Variants in ACTN1 observed in about 807,000 individuals in gnomAD.
ACTN1 encodes the protein actinin alpha 1, also known as alpha-actinin-1.
ACTN1 carries 30 observed loss-of-function variants against 119.6 expected under a neutral mutation model. That is an observed-to-expected ratio of 0.25 (90% CI 0.19 to 0.34). The LOEUF is 0.34. Ranked by LOEUF, ACTN1 falls within the 10% of genes least tolerant of loss-of-function variation. The pLI is 1.00. For missense variants in ACTN1, 764 were observed against 1,223.4 expected (o/e 0.62, Z 5.60); for synonymous variants, 429 against 472.6 (o/e 0.91, Z 1.20).
intron 1 of ACTN1, among the ~76,000 whole-genome samples, chr14:68,965,004 C>T (rs960774948): frequency 6.6e-6 from 1 of 152,218 alleles, no homozygotes; most frequent in African/African-American, 2.4e-5. Flanking sequence ...CTAGCCAGAA[C>T]CCCAGCAGCT....
chr14:68,942,989 A>T (rs576442064), intron 1 of ACTN1, among the ~76,000 whole-genome samples: 19 of 152,240 alleles, frequency 1.2e-4, no homozygotes, highest in Non-Finnish European at 2.5e-4. Context: ...TCTTCACCTG[A>T]GGTTCCGCAA....
intron 1 of ACTN1, among the ~76,000 whole-genome samples, chr14:68,962,316 G>C (rs113646166): frequency 1.3e-5 from 2 of 152,134 alleles, no homozygotes; most frequent in Non-Finnish European, 2.9e-5. Flanking sequence ...TCACCAGCTC[G>C]CAGGTGGAGT....
At chr14:68,952,589 G>A (rs954253411) in intron 1 of ACTN1, among the ~76,000 whole-genome samples, 1 of 152,186 alleles carries the variant, frequency 6.6e-6, no homozygotes, top group South Asian at 2.1e-4. Flanking sequence ...GGGGAAAGCG[G>A]CATCCCGCCC....
intron 3 of ACTN1, among the ~76,000 whole-genome samples, chr14:68,916,886 C>A (rs559418752): frequency 6.6e-6 from 1 of 152,140 alleles, no homozygotes; most frequent in Non-Finnish European, 1.5e-5. Context: ...AGTATTCAGA[C>A]GGCAGAATGA....
intron 6 of ACTN1, 24 bp from the exon 7 acceptor site, chr14:68,904,760 G>A (rs771787379): frequency 1.9e-5 from 31 of 1,601,828 alleles, no homozygotes; most frequent in Non-Finnish European, 2.4e-5. Flanking sequence ...AGGAGGAAGG[G>A]ATGATAAAGT....
chr14:68,909,216 T>G lies in ACTN1; in HGVS notation c.594+102A>C. The G allele has an allele frequency of 4.2e-6, 5 of 1,201,816 alleles. No homozygotes were observed. The highest frequency in any genetic ancestry group is 6.1e-6 in the Non-Finnish European group (5 of 820,528). 74.4% of individuals were successfully genotyped at this position (1,201,816 alleles called of 1,614,324 possible). A position where few individuals can be genotyped will look rare whatever the true frequency, so the allele number is the denominator to read the frequency against. On this transcript the variant is annotated intron_variant, in intron 6 of 21. Transcript: ENST00000394419. This position sits in a 1 kb window ranked among gnomAD's most constrained non-coding sequence, Gnocchi z 4.1. ...GGCTATTCTAAGAGGCCAACACTGC[T>G]CAGGCTGGACCATGGACTGTCACAA...
chr14:68,936,486 TGTG>T, intron 1 of ACTN1: 1 of 328,594 alleles, frequency 3.0e-6, no homozygotes, highest in Non-Finnish European at 5.7e-6. Flanking sequence ...TGTACCAAAA[TGTG>T]CTGTCATTAC....
chr14:68,898,432 T>C (rs1243254233), intron 8 of ACTN1, among the ~76,000 whole-genome samples: 1 of 152,222 alleles, frequency 6.6e-6, no homozygotes, highest in Admixed American at 6.5e-5. Flanking sequence ...GCACCACACG[T>C]GCACACACAC....
At chr14:68,966,981 C>T (rs1267683979) in intron 1 of ACTN1, among the ~76,000 whole-genome samples, 3 of 152,200 alleles carry the variant, frequency 2.0e-5, no homozygotes, top group Non-Finnish European at 2.9e-5. Flanking sequence ...AAAGAAAAAA[C>T]GCAGCTAGGC....
Position 68,880,179 on chromosome 14 carries a change from T to C in ACTN1, c.2134-71A>G, listed in dbSNP as rs1334803248. Reference sequence around the variant, plus strand: ...GGCTCCTGGCGGCCCCTGCCCATCCTACTCCCCAACCATCAAAATGGCCAA... The same window carrying C: ...GGCTCCTGGCGGCCCCTGCCCATCCCACTCCCCAACCATCAAAATGGCCAA... On this transcript the variant is annotated intron_variant, in intron 17 of 21. Transcript: ENST00000394419. The surrounding 1 kb of genome is among the most constrained non-coding windows in gnomAD (Gnocchi z 4.6). The C allele has an allele frequency of 7.7e-6, 12 of 1,562,332 alleles. No individual in the cohort carries two copies. The highest frequency in any genetic ancestry group is 1.0e-5 in the Non-Finnish European group (12 of 1,151,946).
At chr14:68,936,851 G>A in intron 1 of ACTN1, 1 of 590,444 alleles carries the variant, frequency 1.7e-6, no homozygotes, top group Non-Finnish European at 3.3e-6. Flanking sequence ...AAGAGTGGTA[G>A]GACAACTTCT....
At position 68,979,295 on chromosome 14, in the gene ACTN1, C is replaced by T. The variant is rs1396382241; in HGVS notation, c.-239G>A. The T allele has an allele frequency of 9.4e-6, 3 of 317,680 alleles. No individual in the cohort carries two copies. The highest frequency in any genetic ancestry group is 5.7e-5 in the South Asian group (1 of 17,634). The allele number at this position is 317,680 out of a possible 1,614,324, so 19.7% of individuals were successfully genotyped here. A position where few individuals can be genotyped will look rare whatever the true frequency, so the allele number is the denominator to read the frequency against. On this transcript the variant is annotated 5_prime_UTR_variant, in exon 1 of 22. The change creates a new upstream start codon in the 5' untranslated region. Coordinates refer to ENST00000394419, the MANE Select transcript of ACTN1 (RefSeq NM_001130004.2). Reference sequence around the variant, plus strand: ...GGCGGGCGCTTGGACCTAATCTCCACGCACACTGAACTAGGCGGACACACT... The same window carrying T: ...GGCGGGCGCTTGGACCTAATCTCCATGCACACTGAACTAGGCGGACACACT...
At chr14:68,949,944 A>G (rs8011150) in intron 1 of ACTN1, among the ~76,000 whole-genome samples, 50,293 of 152,010 alleles carry the variant, frequency 0.33, 10,535 homozygotes, top group African/African-American at 0.6. Flanking sequence ...AATTATCAGG[A>G]CTGGGGGTCA....
chr14:68,929,595 C>A (rs552173484), intron 1 of ACTN1, among the ~76,000 whole-genome samples: 1 of 152,166 alleles, frequency 6.6e-6, no homozygotes, highest in African/African-American at 2.4e-5. Context: ...TCAGTGGATA[C>A]ACTCCGTTCC....
chr14:68,925,933 T>C lies in ACTN1; in HGVS notation c.106-261A>G, dbSNP rs933377502. Among the ~76,000 whole-genome samples the C allele has an allele frequency of 6.6e-6, 1 of 152,164 alleles. No homozygotes were observed. The highest frequency in any genetic ancestry group is 1.5e-5 in the Non-Finnish European group (1 of 68,034). Reference sequence around the variant, plus strand: ...CATGAAGCAGCAAATTCCCTTAACATCCGCCTCCCAGCCCTCTCTCAAAGA... The same window carrying C: ...CATGAAGCAGCAAATTCCCTTAACACCCGCCTCCCAGCCCTCTCTCAAAGA... On this transcript the variant is annotated intron_variant, in intron 1 of 21. Transcript: ENST00000394419. This position sits in a 1 kb window ranked among gnomAD's most constrained non-coding sequence, Gnocchi z 4.3.
intron 1 of ACTN1, among the ~76,000 whole-genome samples, chr14:68,955,000 T>G (rs1216148768): frequency 2.0e-5 from 3 of 152,114 alleles, no homozygotes; most frequent in Non-Finnish European, 4.4e-5. Context: ...GTCAACCTAG[T>G]CCACTCTGAT....
chr14:68,874,812 C>T lies in ACTN1; in HGVS notation c.*47G>A. The T allele has an allele frequency of 6.7e-7, 1 of 1,494,378 alleles. No homozygotes were observed. Among genetic ancestry groups the T allele is most frequent in the Non-Finnish European group, 9.0e-7 (1 of 1,117,166 alleles). The allele number at this position is 1,494,378 out of a possible 1,614,324, so 92.6% of individuals were successfully genotyped here. A position where few individuals can be genotyped will look rare whatever the true frequency, so the allele number is the denominator to read the frequency against. The stretch of plus-strand genomic sequence containing the variant: ...CAGGAGATGGGCGACGGCGGAGGTG[C>T]AAGGCAGGGCACGGCGCACAAGACG... On this transcript the variant is annotated 3_prime_UTR_variant, in exon 22 of 22. Transcript: ENST00000394419.
intron 6 of ACTN1, among the ~76,000 whole-genome samples, chr14:68,905,144 C>G (rs1422799063): frequency 6.6e-6 from 1 of 152,168 alleles, no homozygotes; most frequent in African/African-American, 2.4e-5. Flanking sequence ...ATCCATAACT[C>G]AAGAGTTGGG....
rs2030642811 is a variant in ACTN1, at chr14:68,874,742, C to T, written c.*117G>A. ...CAGGGAGGATCGATGCCACGTGGGC[C>T]CCAGCTCACCCGGGTGGAGGCTGGG... is the stretch of plus-strand genomic sequence containing the variant. On this transcript the variant is annotated 3_prime_UTR_variant, in exon 22 of 22. Transcript: ENST00000394419. 9.1e-7 allele frequency: 1 copy of T among 1,097,426 alleles called. No individual in the cohort carries two copies. Among genetic ancestry groups the T allele is most frequent in the African/African-American group, 1.6e-5 (1 of 62,504 alleles). 68.0% of individuals were successfully genotyped at this position (1,097,426 alleles called of 1,614,324 possible). A position where few individuals can be genotyped will look rare whatever the true frequency, so the allele number is the denominator to read the frequency against.
Sources: allele counts gnomAD v4.1 joint callset (sites outside exome capture counted in the v4.1 genomes callset), GRCh38; gene constraint gnomAD v4.1.1; non-coding constraint Gnocchi (gnomAD v3.1); transcripts MANE v1.5; gene names NCBI Gene and HGNC (gene_info 2026-07-23, HGNC 2026-07-21).